NTN5: variants seen among roughly 807,000 people sequenced by gnomAD.
NTN5 encodes the protein netrin-5.
Under a neutral mutation model 38.7 loss-of-function variants are expected in NTN5, and 42 were observed. The ratio of observed to expected loss-of-function variants is 1.08; its 90% CI spans 0.85 to 1.40. The LOEUF is 1.40. Among genes scored for constraint, NTN5 ranks in the 40% most tolerant of loss-of-function variants. The pLI, the probability that NTN5 is intolerant of heterozygous loss-of-function variation, is 0.00. For synonymous variants in NTN5, 329 were observed against 303.9 expected, an observed-to-expected ratio of 1.08 and a Z score of -0.86; for missense variants, 658 against 716.5, an observed-to-expected ratio of 0.92 and a Z score of 0.93.
intron 3 of NTN5, 128 bp from the exon 4 acceptor site, chr19:48,664,420 TC>T: frequency 1.5e-6 from 2 of 1,335,680 alleles, no homozygotes; most frequent in Non-Finnish European, 1.0e-6. Context: ...GACCCAGGAG[TC>T]CAGGCCCCCA....
rs2031568458 is a variant in NTN5 at position 48,662,162 on chromosome 19, G to C, written c.1106-121C>G. Reference sequence around the variant, plus strand: ...CGGTGGGTGGGCTTCTGGTATCGCAGTGGGGAGAGAAACCTTGAACCTTGG... The same window carrying C: ...CGGTGGGTGGGCTTCTGGTATCGCACTGGGGAGAGAAACCTTGAACCTTGG... On this transcript the variant is annotated intron_variant, in intron 6 of 6. Transcript: ENST00000270235. 3 of 1,077,410 alleles carry C rather than the reference G, an allele frequency of 2.8e-6. No homozygotes were observed. The African/African-American group carries it at 5.1e-5, about 18-fold the overall frequency. The allele number at this position is 1,077,410 out of a possible 1,614,324, so 66.7% of individuals were successfully genotyped here.
intron 1 of NTN5, among the ~76,000 whole-genome samples, chr19:48,672,297 T>A (rs919563255): frequency 6.6e-5 from 10 of 152,190 alleles, no homozygotes; most frequent in Admixed American, 6.5e-4. Context: ...GCCCCCACTT[T>A]CCCCTTCCAG....
chr19:48,661,567 G>A lies in NTN5; in HGVS notation c.*110C>T. 4.0e-6 allele frequency: 5 copies of A among 1,255,910 alleles called. No individual in the cohort carries two copies. Among genetic ancestry groups the A allele is most frequent in the Non-Finnish European group, 5.1e-6 (5 of 976,636 alleles). The allele number at this position is 1,255,910 out of a possible 1,614,324, so 77.8% of individuals were successfully genotyped here. ...TGGGCGCAAGCATAGTGTCGTCGGG[G>A]CTCTGCGACGTCTGATTGGCTCTCT... On this transcript the variant is annotated 3_prime_UTR_variant, in exon 7 of 7. Transcript: ENST00000270235.
Position 48,664,601 on chromosome 19 carries a change from G to A in NTN5, c.798C>T (p.Ile266=), listed in dbSNP as rs750098003. The change falls in exon 3 of 7, where the codon ATC becomes ATT. Residue 266 remains isoleucine, a synonymous_variant. Coordinates refer to ENST00000270235, the MANE Select transcript of NTN5 (RefSeq NM_145807.4). The part of the protein sequence containing the change: ...PGFWRDPSQP[I]FSRRACRACQ... ...CACCTCTGCAGGCCCTGCGGCTGAAGATAGGCTGGCTAGGGTCCCTCCAGA... is the reference window on the plus strand; with the variant it reads ...CACCTCTGCAGGCCCTGCGGCTGAAAATAGGCTGGCTAGGGTCCCTCCAGA... The A allele has an allele frequency of 9.3e-6, 15 of 1,613,268 alleles. No homozygotes were observed. The highest frequency in any genetic ancestry group is 1.7e-5 in the Admixed American group (1 of 59,920).
At chr19:48,672,058 C>T (rs1218082807) in intron 1 of NTN5, among the ~76,000 whole-genome samples, 1 of 152,158 alleles carries the variant, frequency 6.6e-6, no homozygotes, top group African/African-American at 2.4e-5. Flanking sequence ...ACCCTGCCCT[C>T]TATTCTGGGC....
intron 2 of NTN5, among the ~76,000 whole-genome samples, chr19:48,668,261 C>T (rs998266645): frequency 1.3e-5 from 2 of 152,156 alleles, no homozygotes; most frequent in African/African-American, 2.4e-5. Context: ...TCTCTTTGAG[C>T]CTCACCTTCC....
At chr19:48,666,584 G>T (rs570668319) in intron 2 of NTN5, among the ~76,000 whole-genome samples, 4 of 151,342 alleles carry the variant, frequency 2.6e-5, no homozygotes, top group South Asian at 4.2e-4. Flanking sequence ...AGATTGCAAG[G>T]CTCCTCCCTA....
In NTN5 at chr19:48,661,675, G is replaced by A. The variant is rs1306333900; in HGVS notation, c.*2C>T. 2.6e-6 allele frequency: 4 copies of A among 1,543,676 alleles called. No individual in the cohort carries two copies. The highest frequency in any genetic ancestry group is 5.0e-5 in the East Asian group (2 of 39,740). On this transcript the variant is annotated 3_prime_UTR_variant, in exon 7 of 7. Transcript: ENST00000270235. The stretch of plus-strand genomic sequence containing the variant: ...GGTGCTCGAGGCAGCCCCATCTCAC[G>A]TCTAGTGCTCCGGCCTGGGACTGGG...
In NTN5 at chr19:48,661,998, T is replaced by G; in HGVS notation, c.1149A>C (p.Ala383=). The G allele has an allele frequency of 6.7e-7, 1 of 1,487,782 alleles. No individual in the cohort carries two copies. Among genetic ancestry groups the G allele is most frequent in the Non-Finnish European group, 8.9e-7 (1 of 1,126,086 alleles). The allele number at this position is 1,487,782 out of a possible 1,614,324, so 92.2% of individuals were successfully genotyped here. ...GCACGCGCACGGCCAGCCGCTGCCA[T>G]GCCGGGCCCGCCGCCTCGGACGCTA... ...QVLASEAAGP[A]WQRLAVRVLA... Residue 383 remains alanine (A), a synonymous_variant, in exon 7 of 7, where the codon GCA becomes GCC. Transcript: ENST00000270235.
At chr19:48,671,776 G>A (rs373776315) in intron 1 of NTN5, among the ~76,000 whole-genome samples, 13 of 152,214 alleles carry the variant, frequency 8.5e-5, no homozygotes, top group African/African-American at 2.9e-4. Flanking sequence ...CCCTGGGCAC[G>A]GAAGGGGATT....
intron 2 of NTN5, among the ~76,000 whole-genome samples, chr19:48,666,148 G>C (rs1294598258): frequency 6.6e-6 from 1 of 152,188 alleles, no homozygotes; most frequent in Non-Finnish European, 1.5e-5. Flanking sequence ...GAGGGAGAAA[G>C]CTGAGGCACA....
chr19:48,663,068 T>TAAAAAAAAAA, intron 6 of NTN5: 1 of 386,694 alleles, frequency 2.6e-6, no homozygotes, highest in Non-Finnish European at 5.2e-6. Context: ...GACAAGTCTT[T>TAAAAAAAAAA]ATGGGAAGTG....
chr19:48,664,130 C>T lies in NTN5; in HGVS notation c.970+13G>A, dbSNP rs894867317. Reference sequence around the variant, plus strand: ...CTCTACTCAGGCTTGTGGCCTGGCCCCTCAAGACTTACGCTGGCAGGGCAT... The same window carrying T: ...CTCTACTCAGGCTTGTGGCCTGGCCTCTCAAGACTTACGCTGGCAGGGCAT... On this transcript the variant is annotated intron_variant, in intron 4 of 6. Coordinates refer to ENST00000270235, the MANE Select transcript of NTN5 (RefSeq NM_145807.4). 6.3e-7 allele frequency: 1 copy of T among 1,598,588 alleles called. No individual in the cohort carries two copies. Among genetic ancestry groups the T allele is most frequent in the Non-Finnish European group, 8.5e-7 (1 of 1,173,228 alleles).
In NTN5 at chr19:48,664,337, G is replaced by C. The variant is rs756683918; in HGVS notation, c.821-45C>G. On this transcript the variant is annotated intron_variant, in intron 3 of 6. Transcript: ENST00000270235. Reference sequence around the variant, plus strand: ...GGGGGCATGGGGTATCAGGGCCCCAGATGCCCCTCCCAATTCCACAGTGCC... The same window carrying C: ...GGGGGCATGGGGTATCAGGGCCCCACATGCCCCTCCCAATTCCACAGTGCC... 2.5e-6 allele frequency: 4 copies of C among 1,590,186 alleles called. No homozygotes were observed. The South Asian group carries it at 4.5e-5, about 18-fold the overall frequency.
intron 1 of NTN5, among the ~76,000 whole-genome samples, chr19:48,671,302 C>G (rs1489822739): frequency 6.7e-6 from 1 of 149,082 alleles, no homozygotes; most frequent in African/African-American, 2.5e-5. Context: ...GCGGCTGGAG[C>G]AGAGGGGCTG....
chr19:48,664,551 C>A (rs758173584), intron 3 of NTN5, 28 bp downstream of exon 3: 2 of 1,577,112 alleles, frequency 1.3e-6, no homozygotes, highest in Non-Finnish European at 8.6e-7. Context: ...CTCTGCTCCC[C>A]CCAGGCCTGT....
Position 48,669,906 on chromosome 19 carries a change from C to T in NTN5, c.631+450G>A, listed in dbSNP as rs1443159807. ...ACCATCACCATCACCACCACCATCA[C>T]CACCACCACCATCACCATCATCACC... On this transcript the variant is annotated intron_variant, in intron 2 of 6. Coordinates refer to ENST00000270235, the MANE Select transcript of NTN5 (RefSeq NM_145807.4). Among the ~76,000 whole-genome samples, 4 of 113,070 alleles carry T rather than the reference C, an allele frequency of 3.5e-5. No individual in the cohort carries two copies. The East Asian group carries it at 9.0e-4, about 25-fold the overall frequency. The allele number at this position is 113,070 out of a possible 152,430, so 74.2% of individuals were successfully genotyped here.
At chr19:48,669,667 TCACCATCATCAC>T (rs2031859499) in intron 2 of NTN5, among the ~76,000 whole-genome samples, 1 of 46,920 alleles carries the variant, frequency 2.1e-5, no homozygotes, top group Non-Finnish European at 4.0e-5. Context: ...ACCACCACCA[TCACCATCATCAC>T]CACCATCACC....
Position 48,661,842 on chromosome 19 carries a change from G to T in NTN5, c.1305C>A (p.Ala435=). The T allele has an allele frequency of 7.5e-7, 1 of 1,333,038 alleles. No homozygotes were observed. Among genetic ancestry groups the T allele is most frequent in the South Asian group, 1.7e-5 (1 of 59,338 alleles). 82.6% of individuals were successfully genotyped at this position (1,333,038 alleles called of 1,614,324 possible). A position where few individuals can be genotyped will look rare whatever the true frequency, so the allele number is the denominator to read the frequency against. ...GGCGCGTGGGGTCGGGGTCGCCCACGGCGCTGCCCAGCAGCAGGTAGTCGG... is the reference window on the plus strand; with the variant it reads ...GGCGCGTGGGGTCGGGGTCGCCCACTGCGCTGCCCAGCAGCAGGTAGTCGG... The part of the protein sequence containing the change: ...PGTDYLLLGS[A]VGDPDPTRLI... Residue 435 remains alanine (A), a synonymous_variant, in exon 7 of 7, where the codon GCC becomes GCA. Coordinates refer to ENST00000270235, the MANE Select transcript of NTN5 (RefSeq NM_145807.4).
Sources: allele counts gnomAD v4.1 joint callset (sites outside exome capture counted in the v4.1 genomes callset), GRCh38; gene constraint gnomAD v4.1.1; transcripts MANE v1.5; gene names NCBI Gene and HGNC (gene_info 2026-07-23, HGNC 2026-07-21).